GLDC: variants seen among roughly 807,000 people sequenced by gnomAD.
The protein encoded by GLDC is glycine dehydrogenase (decarboxylating), mitochondrial.
GLDC carries 104 observed loss-of-function variants against 121.3 expected under a neutral mutation model. That is an observed-to-expected ratio of 0.86 (90% CI 0.73 to 1.01). The LOEUF (loss-of-function observed/expected upper bound fraction) is 1.01. GLDC is among the 50% of genes least tolerant of loss of function. GLDC has a pLI of 0.00. For synonymous variants in GLDC, 546 were observed against 480.6 expected, an observed-to-expected ratio of 1.14 and a Z score of -1.78; for missense variants, 1,429 against 1,306.6, an observed-to-expected ratio of 1.09 and a Z score of -1.44.
At chr9:6,589,382 C>T (rs1046983578) in intron 11 of GLDC, 90 bp from the exon 12 acceptor site, 60 of 751,154 alleles carry the variant, frequency 8.0e-5, no homozygotes, top group Non-Finnish European at 1.3e-4. Context: ...GGCCACAAAG[C>T]ACTCAAAATG....
intron 12 of GLDC, 124 bp downstream of exon 12, chr9:6,589,071 T>C (rs1164806093): frequency 1.3e-5 from 10 of 758,264 alleles, no homozygotes; most frequent in Non-Finnish European, 1.9e-5. Context: ...GATGAAATAC[T>C]TGGGAGCCAC....
chr9:6,586,433 G>C (rs1463200227), intron 15 of GLDC, among the ~76,000 whole-genome samples: 2 of 152,248 alleles, frequency 1.3e-5, no homozygotes, highest in African/African-American at 4.8e-5. Flanking sequence ...GGAGGCTGTT[G>C]CTTTTGAAAA....
At chr9:6,555,036 G>A (rs949858682) in intron 18 of GLDC, 8 of 550,560 alleles carry the variant, frequency 1.5e-5, no homozygotes, top group African/African-American at 1.1e-4. Flanking sequence ...TTAAAAATAT[G>A]GATTTGAATA....
chr9:6,582,070 T>G (rs1291299630), intron 15 of GLDC, among the ~76,000 whole-genome samples: 1 of 150,238 alleles, frequency 6.7e-6, no homozygotes, highest in African/African-American at 2.5e-5. Flanking sequence ...CAAAAACTAG[T>G]CAGGTGTGGT....
chr9:6,587,341 T>C, intron 14 of GLDC, 58 bp from the exon 15 acceptor site: 1 of 1,225,054 alleles, frequency 8.2e-7, no homozygotes, highest in Non-Finnish European at 1.2e-6. Context: ...ATAGCAATAA[T>C]AACTTTAATA....
intron 2 of GLDC, among the ~76,000 whole-genome samples, chr9:6,638,077 A>C (rs1257927980): frequency 6.6e-6 from 1 of 152,096 alleles, no homozygotes; most frequent in Non-Finnish European, 1.5e-5. Flanking sequence ...TGATAGCATA[A>C]TTATTTAAGA....
chr9:6,639,219 G>C, intron 2 of GLDC: 3 of 898,024 alleles, frequency 3.3e-6, no homozygotes, highest in Non-Finnish European at 5.6e-6. Flanking sequence ...GGCCAAGAAG[G>C]CAGTGTTGAA....
chr9:6,545,108 G>A (rs12555181), intron 21 of GLDC, among the ~76,000 whole-genome samples: 42 of 148,492 alleles, frequency 2.8e-4, no homozygotes, highest in Non-Finnish European at 2.4e-4. Flanking sequence ...TCAAAAAAAA[G>A]AAAAAAAAAA....
intron 15 of GLDC, among the ~76,000 whole-genome samples, chr9:6,581,945 G>A (rs927285054): frequency 6.6e-6 from 1 of 152,088 alleles, no homozygotes; most frequent in Non-Finnish European, 1.5e-5. Flanking sequence ...GCTGGGCGTG[G>A]TGTTCCCGCC....
intron 2 of GLDC, among the ~76,000 whole-genome samples, chr9:6,633,821 CTTTT>C (rs1156711956): frequency 4.5e-5 from 4 of 89,454 alleles, no homozygotes; most frequent in African/African-American, 1.5e-4. Flanking sequence ...GCAGGAGAAT[CTTTT>C]TTTTTTTTTT....
chr9:6,592,628 G>T (rs1183586566), intron 10 of GLDC, among the ~76,000 whole-genome samples: 2 of 152,152 alleles, frequency 1.3e-5, no homozygotes, highest in African/African-American at 4.8e-5. Context: ...GTGCATTTCA[G>T]TCCCACATAT....
chr9:6,636,228 C>T (rs551326034), intron 2 of GLDC, among the ~76,000 whole-genome samples: 1 of 151,350 alleles, frequency 6.6e-6, no homozygotes, highest in Non-Finnish European at 1.5e-5. Context: ...CGCTTGAACC[C>T]AGGAGGCGGA....
chr9:6,534,885 G>T (rs1817089250), intron 23 of GLDC, 97 bp from the exon 24 acceptor site: 1 of 730,172 alleles, frequency 1.4e-6, no homozygotes, highest in Admixed American at 2.0e-5. Flanking sequence ...CAGGAGCCCA[G>T]GCAGAGAAAG....
At chr9:6,565,547 A>G in intron 15 of GLDC, 118 bp from the exon 16 acceptor site, 2 of 784,510 alleles carry the variant, frequency 2.5e-6, no homozygotes, top group Non-Finnish European at 4.6e-6. Context: ...GTCACTGTCC[A>G]GACGCTGAGA....
chr9:6,540,600 G>C, intron 21 of GLDC: 2 of 198,838 alleles, frequency 1.0e-5, no homozygotes, highest in South Asian at 1.9e-4. Flanking sequence ...TTACTTTTGC[G>C]TATATATAGG....
chr9:6,556,541 C>A (rs1817635015), intron 17 of GLDC, among the ~76,000 whole-genome samples: 1 of 152,102 alleles, frequency 6.6e-6, no homozygotes, highest in Non-Finnish European at 1.5e-5. Flanking sequence ...GCCCGTAATC[C>A]CGGCACTCTG....
chr9:6,623,290 G>A (rs900449350), intron 2 of GLDC, among the ~76,000 whole-genome samples: 3 of 138,700 alleles, frequency 2.2e-5, no homozygotes, highest in Admixed American at 7.4e-5. Flanking sequence ...CTTCTGCCTT[G>A]GGATCCTGTT....
chr9:6,557,400 C>A (rs1172550020), intron 17 of GLDC, among the ~76,000 whole-genome samples: 2 of 152,098 alleles, frequency 1.3e-5, no homozygotes, highest in Admixed American at 6.5e-5. Context: ...TCGAGACTAT[C>A]CTGGCCAATA....
chr9:6,635,039 T>C (rs527415086), intron 2 of GLDC, among the ~76,000 whole-genome samples: 12 of 152,330 alleles, frequency 7.9e-5, no homozygotes, highest in African/African-American at 1.7e-4. Flanking sequence ...ACATGGTCTA[T>C]TCACCGTCCC....
Sources: gnomAD v4.1 joint callset for allele counts (sites outside exome capture counted in the v4.1 genomes callset) on GRCh38, gnomAD v4.1.1 for gene constraint, MANE v1.5 for transcripts, NCBI Gene and HGNC (gene_info 2026-07-23, HGNC 2026-07-21) for gene names.